Variants in LUZP1 observed in about 807,000 individuals in gnomAD.
LUZP1 encodes filamin mechanobinding actin cross-linking protein.
LUZP1 carries 25 observed loss-of-function variants against 71.3 expected under a neutral mutation model. The ratio of observed to expected loss-of-function variants is 0.35; its 90% confidence interval spans 0.26 to 0.49. The LOEUF (loss-of-function observed/expected upper bound fraction) is 0.49. Ranked by LOEUF, LUZP1 falls within the 20% of genes least tolerant of loss-of-function variation. The probability of loss-of-function intolerance (pLI) is 0.99; values close to 1 mark genes in which losing one functional copy is unlikely to be tolerated. For missense variants in LUZP1, 1,142 were observed against 1,300.8 expected, an observed-to-expected ratio of 0.88 and a Z score of 1.88; for synonymous variants, 481 against 506.4, an observed-to-expected ratio of 0.95 and a Z score of 0.67.
chr1:23,136,649 C>T (rs1343464821), intron 2 of LUZP1, among the ~76,000 whole-genome samples: 1 of 152,200 alleles, frequency 6.6e-6, no homozygotes, highest in East Asian at 1.9e-4. Context: ...TGGCTCACGC[C>T]TGTAATCCCA....
chr1:23,089,599 A>AC (rs1643822127), intron 4 of LUZP1, among the ~76,000 whole-genome samples: 1 of 69,058 alleles, frequency 1.4e-5, no homozygotes, highest in Admixed American at 1.1e-4. Context: ...CTAGAATTCT[A>AC]CCTTTTTTTT....
Position 23,093,180 on chromosome 1 carries a change from T to G in LUZP1, c.1082A>C (p.Glu361Ala). 6.2e-7 allele frequency: 1 copy of G among 1,614,192 alleles called. No homozygotes were observed. The highest frequency in any genetic ancestry group is 8.5e-7 in the Non-Finnish European group (1 of 1,180,036). The change falls in exon 4 of 5, where the codon GAA (glutamate) becomes GCA (alanine). Residue 361 changes from glutamate to alanine, a missense_variant. Physicochemically the swap from Glu to Ala is moderately radical, Grantham distance 107. Coordinates refer to ENST00000302291, the Ensembl canonical transcript of LUZP1. The surrounding 1 kb of genome is among the most constrained non-coding windows in gnomAD (Gnocchi z 4.2). ...GCCTTTGCTGGACAGGAAAGCATCT[T>G]CCCCTTCTACCTCTCCATTTTCTAA...
At chr1:23,170,966 T>C (rs1644548898) in intron 1 of LUZP1, among the ~76,000 whole-genome samples, 1 of 151,592 alleles carries the variant, frequency 6.6e-6, no homozygotes. Context: ...GTGGTGCCCG[T>C]GCAGTCTCAG....
chr1:23,104,435 C>T (rs373229759), intron 3 of LUZP1, among the ~76,000 whole-genome samples: 39 of 152,240 alleles, frequency 2.6e-4, no homozygotes, highest in African/African-American at 8.9e-4. Context: ...CCACAAGCCT[C>T]GGCCTCCCAA....
chr1:23,138,127 C>T (rs747893852), intron 2 of LUZP1, among the ~76,000 whole-genome samples: 4 of 152,186 alleles, frequency 2.6e-5, no homozygotes, highest in South Asian at 4.1e-4. Context: ...CATGACATCA[C>T]GACTGGCTAA....
exon 5 of LUZP1, chr1:23,086,424 C>T (rs1643767599): frequency 6.6e-6 from 1 of 152,632 alleles, no homozygotes; most frequent in African/African-American, 2.4e-5. Context: ...ACAGCTGTCC[C>T]TCTTCAACAG....
In LUZP1 at chr1:23,092,164, G is replaced by A. The variant is rs1643864189; in HGVS notation, c.2098C>T (p.Pro700Ser). ...TCATTCTCAAATAGGGAGGTTCTAGGTGCCCCTCGGGTTTTAGCCTTTTCT... is the reference window on the plus strand; with the variant it reads ...TCATTCTCAAATAGGGAGGTTCTAGATGCCCCTCGGGTTTTAGCCTTTTCT... Residue 700 changes from proline to serine, a missense_variant, in exon 4 of 5, where the codon CCT (proline) becomes TCT (serine). Transcript: ENST00000302291. 5.0e-6 allele frequency: 8 copies of A among 1,613,960 alleles called. No individual in the cohort carries two copies. Among genetic ancestry groups the A allele is most frequent in the African/African-American group, 1.3e-5 (1 of 74,892 alleles).
At chr1:23,091,830 C>G in exon 4 of LUZP1, 2 of 1,614,136 alleles carry the variant, frequency 1.2e-6, no homozygotes, top group Non-Finnish European at 1.7e-6. Context: ...CAGGGCCTCA[C>G]CCGGAGCAGC....
intron 2 of LUZP1, among the ~76,000 whole-genome samples, chr1:23,159,991 A>C (rs999528603): frequency 1.3e-5 from 2 of 152,210 alleles, no homozygotes; most frequent in Non-Finnish European, 2.9e-5. Flanking sequence ...CGTCTCAAAA[A>C]ACAAAAACAA....
intron 2 of LUZP1, among the ~76,000 whole-genome samples, chr1:23,168,169 G>GCCCGCGC (rs747163398): frequency 1.1e-4 from 15 of 140,572 alleles, no homozygotes; most frequent in East Asian, 2.4e-4. Flanking sequence ...CCGGCCCGCG[G>GCCCGCGC]CCCGCGCCCC....
intron 2 of LUZP1, among the ~76,000 whole-genome samples, chr1:23,113,999 A>AT (rs1557650898): frequency 6.6e-6 from 1 of 152,184 alleles, no homozygotes; most frequent in African/African-American, 2.4e-5. Context: ...CAGTATCTGA[A>AT]TTTTTTTAAT....
At chr1:23,108,239 CT>C (rs1643999691) in intron 3 of LUZP1, among the ~76,000 whole-genome samples, 2 of 152,304 alleles carry the variant, frequency 1.3e-5, no homozygotes, top group African/African-American at 4.8e-5. Context: ...TTGTATTTTG[CT>C]TTGCTTTTCC....
At chr1:23,088,698 T>C in exon 5 of LUZP1, 1 of 608,628 alleles carries the variant, frequency 1.6e-6, no homozygotes, top group Non-Finnish European at 2.7e-6. Context: ...TGGGCCTGGG[T>C]GACTGTCCAG....
At chr1:23,131,883 G>A (rs904442660) in intron 2 of LUZP1, among the ~76,000 whole-genome samples, 1 of 152,000 alleles carries the variant, frequency 6.6e-6, no homozygotes, top group South Asian at 2.1e-4. Context: ...ACGAGGTTTC[G>A]CCATGTTGGC....
At chr1:23,144,727 GC>G (rs1194722124) in intron 2 of LUZP1, among the ~76,000 whole-genome samples, 4 of 152,202 alleles carry the variant, frequency 2.6e-5, no homozygotes, top group African/African-American at 7.2e-5. Context: ...GGAGTAGCCA[GC>G]AATGATCTCT....
intron 2 of LUZP1, chr1:23,140,687 C>A (rs1644296398): frequency 6.6e-6 from 1 of 152,382 alleles, no homozygotes; most frequent in African/African-American, 2.4e-5. Context: ...CTACTGTGAG[C>A]CCCTCTCGGC....
chr1:23,145,677 G>C (rs970407604), intron 2 of LUZP1, among the ~76,000 whole-genome samples: 4 of 151,548 alleles, frequency 2.6e-5, no homozygotes, highest in Non-Finnish European at 4.4e-5. Flanking sequence ...ATCGTTATTG[G>C]TCAGGCTGGT....
At chr1:23,116,813 C>A (rs1459900649) in intron 2 of LUZP1, among the ~76,000 whole-genome samples, 2 of 152,178 alleles carry the variant, frequency 1.3e-5, no homozygotes, top group African/African-American at 2.4e-5. Context: ...TTTTTACCTT[C>A]ACACTCAACT....
chr1:23,174,823 GAATAA>G (rs1308305552), intron 1 of LUZP1, among the ~76,000 whole-genome samples: 1 of 152,076 alleles, frequency 6.6e-6, no homozygotes, highest in Non-Finnish European at 1.5e-5. Context: ...GAATAGGAAG[GAATAA>G]AATAGCCCTC....
Sources: gnomAD v4.1 joint callset for allele counts (sites outside exome capture counted in the v4.1 genomes callset) on GRCh38, gnomAD v4.1.1 for gene constraint, Gnocchi (gnomAD v3.1) non-coding constraint, MANE v1.5 for transcripts, NCBI Gene and HGNC (gene_info 2026-07-23, HGNC 2026-07-21) for gene names.